Variants in SIGIRR observed in about 807,000 individuals in gnomAD.
The protein encoded by SIGIRR is single Ig and TIR domain containing.
Under a neutral mutation model 45.6 loss-of-function variants are expected in SIGIRR, and 41 were observed. The observed-to-expected ratio is 0.90, with a 90% confidence interval of 0.70 to 1.17. SIGIRR has a LOEUF of 1.17. Among genes scored for constraint, SIGIRR ranks in the 50% most tolerant of loss-of-function variants. The pLI is 0.00. For synonymous variants in SIGIRR, 298 were observed against 239.0 expected (o/e 1.25, Z -2.28); for missense variants, 599 against 539.6 (o/e 1.11, Z -1.09).
rs1378783635 is a variant in SIGIRR at position 409,850 on chromosome 11, C to G, written c.7+18G>C. On this transcript the variant is annotated intron_variant, in intron 2 of 9. Transcript: ENST00000431843. ...TGGGAGTGGGGAATTCAAGCCCATC[C>G]CTCTCTGACCTGCCTACCTGGCATG... 3 of 1,339,944 alleles carry G rather than the reference C, an allele frequency of 2.2e-6. No individual in the cohort carries two copies. The Admixed American group carries it at 1.1e-4, about 47-fold the overall frequency. 83.0% of individuals were successfully genotyped at this position (1,339,944 alleles called of 1,614,324 possible).
At position 414,846 on chromosome 11, in the gene SIGIRR, G is replaced by A; in HGVS notation, c.-177C>T. 1.0e-6 allele frequency: 1 copy of A among 985,542 alleles called. No individual in the cohort carries two copies. Among genetic ancestry groups the A allele is most frequent in the Non-Finnish European group, 1.2e-6 (1 of 830,030 alleles). The allele number at this position is 985,542 out of a possible 1,614,324, so 61.0% of individuals were successfully genotyped here. A position where few individuals can be genotyped will look rare whatever the true frequency, so the allele number is the denominator to read the frequency against. ...ACCTGGTTCCAGTTCTTTCCTCCGG[G>A]GGGCAAATGTTGGTCATTGGTGCGC... On this transcript the variant is annotated 5_prime_UTR_variant, in exon 1 of 10. Coordinates refer to ENST00000431843, the MANE Select transcript of SIGIRR (RefSeq NM_001135054.2).
chr11:407,015 G>C (rs1467809501), intron 7 of SIGIRR, 22 bp from the exon 8 acceptor site: 22 of 1,587,672 alleles, frequency 1.4e-5, no homozygotes, highest in Non-Finnish European at 1.8e-5. Flanking sequence ...GACCGTCAGG[G>C]GGGTGGGTGC....
upstream of SIGIRR, among the ~76,000 whole-genome samples, chr11:416,867 G>T (rs908548946): frequency 6.6e-6 from 1 of 152,078 alleles, no homozygotes; most frequent in African/African-American, 2.4e-5. This position sits in a 1 kb window ranked among gnomAD's most constrained non-coding sequence, Gnocchi z 9.1. Context: ...GCGCTCGGCC[G>T]GGGCAGAGGC....
At position 406,932 on chromosome 11, in the gene SIGIRR, G is replaced by C. The variant is rs868302695; in HGVS notation, c.790C>G (p.Gln264Glu). ...RRPIFITFEG[Q>E]RRDPAHPALR... The stretch of plus-strand genomic sequence containing the variant: ...GCCGGGTGCGCGGGGTCGCGCCTCT[G>C]GCCCTCGAAGGTGATGAAGATGGGT... Residue 264 changes from glutamine (Q) to glutamate (E), a missense_variant, in exon 8 of 10, where the codon CAG becomes GAG. Coordinates refer to ENST00000431843, the MANE Select transcript of SIGIRR (RefSeq NM_001135054.2). 34 of 1,600,368 alleles carry C rather than the reference G, an allele frequency of 2.1e-5. No individual in the cohort carries two copies. The East Asian group carries it at 7.6e-4, about 36-fold the overall frequency.
rs770594584 is a variant in SIGIRR at position 406,171 on chromosome 11, G to A, written c.1070-112C>T. 2.1e-5 allele frequency: 33 copies of A among 1,537,796 alleles called. No individual in the cohort carries two copies. In the East Asian group the frequency reaches 2.7e-4, roughly 13 times the overall value. On this transcript the variant is annotated intron_variant, in intron 9 of 9. Coordinates refer to ENST00000431843, the MANE Select transcript of SIGIRR (RefSeq NM_001135054.2). Reference sequence around the variant, plus strand: ...TGCTGTGATGGCCTGTGAGGCCCAGGAAGTTCCCAGGCAGACCGAGGGCCG... The same window carrying A: ...TGCTGTGATGGCCTGTGAGGCCCAGAAAGTTCCCAGGCAGACCGAGGGCCG...
intron 2 of SIGIRR, 98 bp from the exon 3 acceptor site, chr11:408,991 T>C (rs1320605396): frequency 8.9e-6 from 10 of 1,127,078 alleles, no homozygotes; most frequent in Non-Finnish European, 1.3e-5. Context: ...GGCCTCTGTG[T>C]GGCTTGGCAG....
chr11:407,117 T>TTC lies in SIGIRR; in HGVS notation c.672_673insGA (p.Ile225GlufsTer10). Reference sequence around the variant, plus strand: ...AGGAAGGCGTCCGAAAGCACCACGATGAGGCGTCGGCAGCGGCTCAGGTTC... The same window carrying TTC: ...AGGAAGGCGTCCGAAAGCACCACGATTCGAGGCGTCGGCAGCGGCTCAGGTTC... On this transcript the variant is annotated frameshift_variant, in exon 7 of 10. Coordinates refer to ENST00000431843, the MANE Select transcript of SIGIRR (RefSeq NM_001135054.2). LOFTEE classifies it high-confidence loss of function. The TTC allele has an allele frequency of 2.0e-6, 3 of 1,534,264 alleles. No individual in the cohort carries two copies. The highest frequency in any genetic ancestry group is 2.5e-5 in the East Asian group (1 of 39,354).
At chr11:410,302 G>C (rs2133632621) in intron 1 of SIGIRR, among the ~76,000 whole-genome samples, 1 of 152,294 alleles carries the variant, frequency 6.6e-6, no homozygotes, top group Admixed American at 6.5e-5. Context: ...CCAGGGTGCA[G>C]TGGACGAACA....
intron 1 of SIGIRR, among the ~76,000 whole-genome samples, chr11:414,576 C>T (rs1268316333): frequency 6.6e-6 from 1 of 152,132 alleles, no homozygotes; most frequent in Admixed American, 6.5e-5. Context: ...ACCCCTCACA[C>T]AACTGTTGAG....
chr11:415,205 AGCGTGTGTGTGTGTGT>A (rs1350046462), upstream of SIGIRR, among the ~76,000 whole-genome samples: 3 of 76,178 alleles, frequency 3.9e-5, no homozygotes, highest in Non-Finnish European at 7.6e-5. This position sits in a 1 kb window ranked among gnomAD's most constrained non-coding sequence, Gnocchi z 6.6. Context: ...TCCTCTGTGC[AGCGTGTGTGTGTGTGT>A]GTGTGTGTGT....
chr11:413,507 G>A (rs972311580), intron 1 of SIGIRR, among the ~76,000 whole-genome samples: 3 of 151,938 alleles, frequency 2.0e-5, no homozygotes, highest in Non-Finnish European at 4.4e-5. Flanking sequence ...CAGTGCTTCC[G>A]TGACCGCCCC....
upstream of SIGIRR, chr11:417,343 G>A (rs1403310870): frequency 6.6e-6 from 1 of 152,174 alleles, no homozygotes; most frequent in Non-Finnish European, 1.5e-5. This position sits in a 1 kb window ranked among gnomAD's most constrained non-coding sequence, Gnocchi z 4.2. Flanking sequence ...AGGACCTGGG[G>A]CTCGCGCCGG....
intron 2 of SIGIRR, chr11:409,129 G>A (rs1053071864): frequency 1.2e-5 from 7 of 575,130 alleles, no homozygotes; most frequent in Admixed American, 8.6e-5. Flanking sequence ...AGTGGCCACA[G>A]TTGAGCTGCC....
chr11:408,015 C>T, intron 4 of SIGIRR, 58 bp from the exon 5 acceptor site: 2 of 1,606,808 alleles, frequency 1.2e-6, no homozygotes, highest in South Asian at 1.1e-5. Context: ...CTCAAGATCC[C>T]TGGGCCTCAC....
Position 407,535 on chromosome 11 carries a change from C to T in SIGIRR, c.515G>A (p.Ser172Asn). The T allele has an allele frequency of 6.2e-7, 1 of 1,609,628 alleles. No individual in the cohort carries two copies. The highest frequency in any genetic ancestry group is 1.3e-5 in the African/African-American group (1 of 74,940). ...GKLYDAYVSY[S>N]DCPEDRKFVN... is the part of the protein sequence containing the mutation. The stretch of plus-strand genomic sequence containing the variant: ...GAACTTGCGGTCCTCGGGGCAGTCG[C>T]TGTAGGAGACGTAGGCGTCGTAGAG... The change falls in exon 6 of 10, where the codon AGC becomes AAC. Residue 172 changes from serine (S) to asparagine (N), a missense_variant. Transcript: ENST00000431843.
upstream of SIGIRR, among the ~76,000 whole-genome samples, chr11:415,902 G>T (rs1446687139): frequency 1.3e-5 from 2 of 152,142 alleles, no homozygotes; most frequent in Non-Finnish European, 2.9e-5. This position sits in a 1 kb window ranked among gnomAD's most constrained non-coding sequence, Gnocchi z 6.6. Flanking sequence ...GCCACATGGG[G>T]GCAGGGCTTC....
chr11:407,016 G>A (rs778769926), intron 7 of SIGIRR, 23 bp from the exon 8 acceptor site: 1 of 1,588,128 alleles, frequency 6.3e-7, no homozygotes, highest in South Asian at 1.1e-5. Flanking sequence ...ACCGTCAGGG[G>A]GGTGGGTGCT....
chr11:407,595 T>A (rs1847404042), intron 5 of SIGIRR, 27 bp from the exon 6 acceptor site: 1 of 1,601,394 alleles, frequency 6.2e-7, no homozygotes, highest in African/African-American at 1.3e-5. Context: ...GTCACCCCGA[T>A]GGCTCCCGAG....
At position 406,542 on chromosome 11, in the gene SIGIRR, G is replaced by A. The variant is rs1403676102; in HGVS notation, c.880-4C>T. On this transcript the variant is annotated splice_polypyrimidine_tract_variant and splice_region_variant and intron_variant, in intron 8 of 9. Coordinates refer to ENST00000431843, the MANE Select transcript of SIGIRR (RefSeq NM_001135054.2). ...TCCAAAAATCGGAGGAAGGAGTCTG[G>A]GGGCCAGGTCGGGGCGGTTTGCAGG... is the stretch of plus-strand genomic sequence containing the variant. 1 of 1,607,140 alleles carries A rather than the reference G, an allele frequency of 6.2e-7. No individual in the cohort carries two copies. Among genetic ancestry groups the A allele is most frequent in the Non-Finnish European group, 8.5e-7 (1 of 1,175,940 alleles).
Sources: allele counts gnomAD v4.1 joint callset (sites outside exome capture counted in the v4.1 genomes callset), GRCh38; gene constraint gnomAD v4.1.1; non-coding constraint Gnocchi (gnomAD v3.1); transcripts MANE v1.5; gene names NCBI Gene and HGNC (gene_info 2026-07-23, HGNC 2026-07-21).